CNTN1: variants seen among roughly 807,000 people sequenced by gnomAD.
CNTN1 encodes the protein contactin 1, also known as contactin-1.
CNTN1 carries 38 observed loss-of-function variants against 126.4 expected under a neutral mutation model. That is an observed-to-expected ratio of 0.30 (90% CI 0.23 to 0.39). The LOEUF (loss-of-function observed/expected upper bound fraction) is 0.39. Ranked by LOEUF, CNTN1 falls within the 10% of genes least tolerant of loss-of-function variation. The pLI is 1.00. For synonymous variants in CNTN1, 413 were observed against 422.6 expected, an observed-to-expected ratio of 0.98 and a Z score of 0.28; for missense variants, 1,009 against 1,248.4, an observed-to-expected ratio of 0.81 and a Z score of 2.89.
At chr12:41,008,175 A>G (rs1213064281) in intron 17 of CNTN1, among the ~76,000 whole-genome samples, 1 of 152,124 alleles carries the variant, frequency 6.6e-6, no homozygotes. Context: ...AGGCATGTCC[A>G]TGTATGGTTC....
At chr12:40,990,676 C>A (rs913146686) in intron 16 of CNTN1, among the ~76,000 whole-genome samples, 1 of 152,306 alleles carries the variant, frequency 6.6e-6, no homozygotes, top group East Asian at 1.9e-4. Context: ...TATATGCACT[C>A]AAAATCAGTC....
chr12:40,758,555 A>G (rs1938702820), intron 1 of CNTN1, among the ~76,000 whole-genome samples: 2 of 152,104 alleles, frequency 1.3e-5, no homozygotes, highest in Non-Finnish European at 2.9e-5. Context: ...CCACATTGTA[A>G]TATTTTGCAT....
intron 2 of CNTN1, among the ~76,000 whole-genome samples, chr12:40,909,701 G>A (rs1028871511): frequency 2.0e-5 from 3 of 151,124 alleles, no homozygotes; most frequent in Non-Finnish European, 4.4e-5. Context: ...GGGTAATTAT[G>A]CACACACACC....
intron 1 of CNTN1, among the ~76,000 whole-genome samples, chr12:40,872,293 A>G (rs1028539651): frequency 1.3e-4 from 20 of 149,126 alleles, no homozygotes; most frequent in African/African-American, 4.9e-4. Context: ...AATCACAATC[A>G]TTATTTACAA....
At chr12:40,974,253 A>G (rs1592348504) in intron 15 of CNTN1, among the ~76,000 whole-genome samples, 1 of 152,280 alleles carries the variant, frequency 6.6e-6, no homozygotes, top group African/African-American at 2.4e-5. Flanking sequence ...TGTATTGAAT[A>G]TGAATTTATA....
intron 17 of CNTN1, among the ~76,000 whole-genome samples, chr12:41,003,830 A>G (rs1231391131): frequency 6.6e-6 from 1 of 151,600 alleles, no homozygotes; most frequent in East Asian, 1.9e-4. Context: ...TGTTTATTTG[A>G]ATCCTCTCTC....
At chr12:41,024,860 T>C (rs1485736951) in intron 20 of CNTN1, among the ~76,000 whole-genome samples, 2 of 152,232 alleles carry the variant, frequency 1.3e-5, no homozygotes, top group Non-Finnish European at 2.9e-5. Flanking sequence ...GTAAGTCTGC[T>C]TCAAAGTTTT....
At chr12:40,732,033 T>C (rs1010680938) in intron 1 of CNTN1, among the ~76,000 whole-genome samples, 1 of 152,000 alleles carries the variant, frequency 6.6e-6, no homozygotes, top group South Asian at 2.1e-4. Flanking sequence ...TCTGAAAATA[T>C]TTGTTGAATC....
At chr12:41,033,622 G>A (rs568341135) in intron 23 of CNTN1, among the ~76,000 whole-genome samples, 134 of 152,212 alleles carry the variant, frequency 8.8e-4, no homozygotes, top group African/African-American at 3.1e-3. Flanking sequence ...TAAGGTAGGA[G>A]TAACATGATC....
chr12:40,842,741 AG>A (rs1259709412), intron 1 of CNTN1, among the ~76,000 whole-genome samples: 1 of 152,124 alleles, frequency 6.6e-6, no homozygotes, highest in African/African-American at 2.4e-5. Flanking sequence ...TGAACATAGT[AG>A]ATGTTCAATA....
At chr12:40,892,517 C>T (rs1944272959) in intron 1 of CNTN1, among the ~76,000 whole-genome samples, 1 of 151,830 alleles carries the variant, frequency 6.6e-6, no homozygotes. Context: ...GGAATCATTC[C>T]CAAAGAAGGA....
intron 1 of CNTN1, among the ~76,000 whole-genome samples, chr12:40,862,208 T>TACAC (rs145686900): frequency 0.044 from 6,478 of 147,194 alleles, 263 homozygotes; most frequent in African/African-American, 0.1. Context: ...TGTCTCTTAA[T>TACAC]ACACACACAC....
intron 14 of CNTN1, among the ~76,000 whole-genome samples, chr12:40,947,796 C>G (rs372305858): frequency 7.1e-6 from 1 of 139,944 alleles, no homozygotes; most frequent in Non-Finnish European, 1.5e-5. Context: ...CACACACACA[C>G]ACACACACAC....
At chr12:40,729,504 C>A in intron 1 of CNTN1, 2 of 209,878 alleles carry the variant, frequency 9.5e-6, no homozygotes, top group Non-Finnish European at 2.1e-5. Flanking sequence ...TTTGTTCAGA[C>A]CACGTATGAG....
At chr12:41,053,035 C>G (rs1396822383) in intron 23 of CNTN1, among the ~76,000 whole-genome samples, 2 of 151,546 alleles carry the variant, frequency 1.3e-5, no homozygotes, top group Admixed American at 1.3e-4. Flanking sequence ...AGAGAACTGG[C>G]ATGTGTGATC....
chr12:41,019,998 T>A (rs1185324053), intron 19 of CNTN1, among the ~76,000 whole-genome samples: 1 of 151,826 alleles, frequency 6.6e-6, no homozygotes, highest in Non-Finnish European at 1.5e-5. Context: ...ATTAAAAAAA[T>A]AGTTTTTTTT....
intron 15 of CNTN1, among the ~76,000 whole-genome samples, chr12:40,961,986 C>A (rs1947121133): frequency 1.3e-5 from 2 of 151,602 alleles, no homozygotes; most frequent in Admixed American, 1.3e-4. Flanking sequence ...TATTGGTAAT[C>A]TGAACTGCAG....
intron 1 of CNTN1, chr12:40,763,038 G>C (rs1356245373): frequency 6.6e-6 from 1 of 152,198 alleles, no homozygotes; most frequent in Admixed American, 6.5e-5. Flanking sequence ...GTTCATGTGA[G>C]AGCAGGTTGT....
At chr12:41,059,186 C>T (rs1351492685) in intron 23 of CNTN1, among the ~76,000 whole-genome samples, 1 of 151,564 alleles carries the variant, frequency 6.6e-6, no homozygotes, top group Non-Finnish European at 1.5e-5. Flanking sequence ...AATCTTAATG[C>T]CCTTAATACC....
Sources: gnomAD v4.1 joint callset for allele counts (sites outside exome capture counted in the v4.1 genomes callset) on GRCh38, gnomAD v4.1.1 for gene constraint, MANE v1.5 for transcripts, NCBI Gene and HGNC (gene_info 2026-07-23, HGNC 2026-07-21) for gene names.